RALGDS: variants seen among roughly 807,000 people sequenced by gnomAD.
The protein encoded by RALGDS is ral guanine nucleotide exchange factor.
In RALGDS, 44 loss-of-function variants were observed where a neutral mutation model predicts 99.8. That is an observed-to-expected ratio of 0.44 (90% CI 0.35 to 0.57). The LOEUF is 0.57. RALGDS is among the 20% of genes least tolerant of loss of function. The pLI is 0.01. For missense variants in RALGDS, 1,022 were observed against 1,203.1 expected (o/e 0.85, Z 2.23); for synonymous variants, 529 against 505.0 (o/e 1.05, Z -0.64).
At chr9:133,101,280 C>T (rs1321867831) in intron 16 of RALGDS, 5 of 1,364,056 alleles carry the variant, frequency 3.7e-6, no homozygotes, top group East Asian at 2.8e-5. Flanking sequence ...GACCTCACCT[C>T]CCCTACAGCA....
intron 16 of RALGDS, chr9:133,100,983 G>A: frequency 9.5e-7 from 1 of 1,053,362 alleles, no homozygotes; most frequent in Non-Finnish European, 1.1e-6. Context: ...TGGTTCATCT[G>A]TCGCAGGACA....
Position 133,105,983 on chromosome 9 carries a change from C to T in RALGDS, c.1551G>A (p.Glu517=), listed in dbSNP as rs764809527. Residue 517 remains glutamate (E), a synonymous_variant, in exon 9 of 18, where the codon GAG becomes GAA. Transcript: ENST00000372050. ...AGTAGTTGTTCTCATCTGAGAAGAT[C>T]TCTGACAGCTTCTGAAAGATCCGGA... is the stretch of plus-strand genomic sequence containing the variant. ...DSFRIFQKLS[E]IFSDENNYSL... The T allele has an allele frequency of 1.0e-5, 16 of 1,607,036 alleles. No individual in the cohort carries two copies.
chr9:133,103,969 C>T (rs1830890625), intron 10 of RALGDS, 136 bp from the exon 11 acceptor site: 1 of 894,268 alleles, frequency 1.1e-6, no homozygotes, highest in Non-Finnish European at 1.8e-6. Flanking sequence ...CCCTGGACCC[C>T]AGACTCCCTC....
chr9:133,143,590 C>CA (rs1392244972), intron 1 of RALGDS, among the ~76,000 whole-genome samples: 3 of 151,238 alleles, frequency 2.0e-5, no homozygotes, highest in Non-Finnish European at 4.4e-5. Context: ...ACTGTTTCTA[C>CA]AAAAAAAATC....
chr9:133,134,395 A>G (rs1832392942), upstream of RALGDS, among the ~76,000 whole-genome samples: 1 of 152,186 alleles, frequency 6.6e-6, no homozygotes, highest in South Asian at 2.1e-4. Flanking sequence ...CGCCTTTAGC[A>G]CACCTCAATG....
At chr9:133,130,867 G>T in intron 1 of RALGDS, 1 of 1,318,584 alleles carries the variant, frequency 7.6e-7, no homozygotes, top group Non-Finnish European at 1.0e-6. Context: ...CCTGACCTGG[G>T]GGCCAGAACA....
chr9:133,116,468 G>A (rs1655341096), intron 1 of RALGDS, among the ~76,000 whole-genome samples: 1 of 152,252 alleles, frequency 6.6e-6, no homozygotes. Context: ...GGAAAATCGT[G>A]CCTCAAGCAG....
intron 11 of RALGDS, 23 bp downstream of exon 11, chr9:133,103,724 C>T (rs764130476): frequency 4.3e-6 from 7 of 1,612,116 alleles, no homozygotes; most frequent in African/African-American, 1.3e-5. Context: ...GGGCCCTACT[C>T]CAGCCCCGCC....
Position 133,107,834 on chromosome 9 carries a change from T to C in RALGDS, c.1197+154A>G, listed in dbSNP as rs144196878. 2.4e-3 allele frequency among the ~76,000 whole-genome samples: 359 copies of C among 152,354 alleles called. 1 individual carries two copies. The highest frequency in any genetic ancestry group is 8.2e-3 in the African/African-American group (339 of 41,584). ...TACTGTCCAGAGGTAAACTGAGGACTTGGGGTTAAGGAACGACCTGGTTAC... is the reference window on the plus strand; with the variant it reads ...TACTGTCCAGAGGTAAACTGAGGACCTGGGGTTAAGGAACGACCTGGTTAC... On this transcript the variant is annotated intron_variant, in intron 6 of 17. Transcript: ENST00000372050.
At chr9:133,114,137 C>G (rs1831480778) in intron 1 of RALGDS, among the ~76,000 whole-genome samples, 1 of 152,184 alleles carries the variant, frequency 6.6e-6, no homozygotes, top group South Asian at 2.1e-4. Flanking sequence ...TTCCCCCACC[C>G]CCGGGGGGCC....
intron 1 of RALGDS, chr9:133,130,930 A>C: frequency 6.5e-7 from 1 of 1,526,750 alleles, no homozygotes; most frequent in Non-Finnish European, 8.8e-7. Context: ...TCAGAGGCCA[A>C]GAGTCTCAGC....
chr9:133,117,010 C>G (rs560656135), intron 1 of RALGDS, among the ~76,000 whole-genome samples: 111 of 152,328 alleles, frequency 7.3e-4, no homozygotes, highest in African/African-American at 2.6e-3. Flanking sequence ...CCTGCATCTC[C>G]GAGAGGTTTG....
intron 9 of RALGDS, 171 bp from the exon 10 acceptor site, chr9:133,104,502 G>A (rs2119135342): frequency 1.5e-6 from 1 of 646,830 alleles, no homozygotes; most frequent in Non-Finnish European, 2.8e-6. Context: ...CTCCCCCTCT[G>A]GAAAGTGCGG....
At chr9:133,148,530 A>G (rs1832663260) in intron 1 of RALGDS, among the ~76,000 whole-genome samples, 1 of 151,868 alleles carries the variant, frequency 6.6e-6, no homozygotes, top group Admixed American at 6.6e-5. Context: ...TCCTACTCTG[A>G]GCCCCAGGAA....
Position 133,101,769 on chromosome 9 carries a change from G to A in RALGDS, c.2212-7C>T, listed in dbSNP as rs1225501609. On this transcript the variant is annotated splice_polypyrimidine_tract_variant and splice_region_variant and intron_variant, in intron 15 of 17. Transcript: ENST00000372050. ...GTGAGGCTGATTCCCAGAACTGAGG[G>A]AGACGGTAAGATCAGCAGATCCCAC... is the stretch of plus-strand genomic sequence containing the variant. The A allele has an allele frequency of 6.3e-7, 1 of 1,597,590 alleles. No homozygotes were observed. The highest frequency in any genetic ancestry group is 8.5e-7 in the Non-Finnish European group (1 of 1,171,924).
Position 133,104,273 on chromosome 9 carries a change from G to A in RALGDS, c.1661C>T (p.Pro554Leu), listed in dbSNP as rs369868878. Residue 554 changes from proline (P) to leucine (L), a missense_variant, in exon 10 of 18, where the codon CCG (proline) becomes CTG (leucine). Around this residue, in one of 3 missense-constraint regions of RALGDS, gnomAD observed 825 missense variants for 994.5 expected, o/e 0.83. Coordinates refer to ENST00000372050, the MANE Select transcript of RALGDS (RefSeq NM_006266.4). ...CTTGGGCACTCTCACCGTCTCCTTC[G>A]GCCGTTTCTGGGCTCTCTTGGGGTT... ...EMNPKRAQKRPKETGIIQGTV... is the reference protein window; with the variant it reads ...EMNPKRAQKRLKETGIIQGTV... 5.6e-5 allele frequency: 90 copies of A among 1,613,590 alleles called. No homozygotes were observed. The highest frequency in any genetic ancestry group is 6.4e-5 in the Non-Finnish European group (76 of 1,179,672).
intron 3 of RALGDS, among the ~76,000 whole-genome samples, chr9:133,110,055 C>T (rs572988908): frequency 7.7e-4 from 117 of 152,306 alleles, no homozygotes; most frequent in African/African-American, 2.6e-3. Context: ...ATCATAAAAA[C>T]GAGCACCACA....
At chr9:133,122,288 T>C (rs1405176968), upstream of RALGDS, among the ~76,000 whole-genome samples, 1 of 152,246 alleles carries the variant, frequency 6.6e-6, no homozygotes, top group African/African-American at 2.4e-5. Context: ...ATGGGACCCT[T>C]CCTCATGCCT....
chr9:133,137,239 A>G (rs561379221), intron 1 of RALGDS, among the ~76,000 whole-genome samples: 53 of 152,366 alleles, frequency 3.5e-4, no homozygotes, highest in South Asian at 2.7e-3. Flanking sequence ...TCTCAAAACA[A>G]AACAACACAA....
Sources: allele counts gnomAD v4.1 joint callset (sites outside exome capture counted in the v4.1 genomes callset), GRCh38; gene constraint gnomAD v4.1.1; regional missense constraint gnomAD v4.1.1; transcripts MANE v1.5; gene names NCBI Gene and HGNC (gene_info 2026-07-23, HGNC 2026-07-21).